Variants in COL22A1 observed in about 807,000 individuals in gnomAD.
The protein encoded by COL22A1 is collagen type XXII alpha 1 chain.
Under a neutral mutation model 248.9 loss-of-function variants are expected in COL22A1, and 221 were observed. The observed-to-expected ratio is 0.89, with a 90% CI of 0.80 to 0.99. The LOEUF (loss-of-function observed/expected upper bound fraction) is 0.99, where lower values mean the gene tolerates loss of function less well. Ranked by LOEUF, COL22A1 falls within the 50% of genes least tolerant of loss-of-function variation. The pLI is 0.00. For synonymous variants in COL22A1, 891 were observed against 793.4 expected (o/e 1.12, Z -2.07); for missense variants, 2,240 against 2,179.0 (o/e 1.03, Z -0.56).
At chr8:138,899,413 C>T (rs1259261335) in intron 1 of COL22A1, among the ~76,000 whole-genome samples, 1 of 152,186 alleles carries the variant, frequency 6.6e-6, no homozygotes, top group East Asian at 1.9e-4. Flanking sequence ...GATGGTGAGA[C>T]ACAATACCCT....
intron 39 of COL22A1, among the ~76,000 whole-genome samples, chr8:138,680,309 A>G (rs1327822308): frequency 6.6e-6 from 1 of 152,198 alleles, no homozygotes; most frequent in Non-Finnish European, 1.5e-5. Context: ...GGAGCCCTGT[A>G]GGGGTTAAAC....
chr8:138,621,722 C>T (rs1186726237), intron 52 of COL22A1, among the ~76,000 whole-genome samples: 1 of 152,118 alleles, frequency 6.6e-6, no homozygotes, highest in Non-Finnish European at 1.5e-5. Flanking sequence ...AATAATGGTA[C>T]CCACAGCCCA....
chr8:138,754,810 T>G (rs181798429), intron 21 of COL22A1, among the ~76,000 whole-genome samples: 4 of 152,222 alleles, frequency 2.6e-5, no homozygotes, highest in African/African-American at 9.6e-5. Flanking sequence ...CATGTAAGTG[T>G]CCAATGTTTT....
At chr8:138,913,323 C>A (rs1815590795) in intron 1 of COL22A1, among the ~76,000 whole-genome samples, 1 of 152,158 alleles carries the variant, frequency 6.6e-6, no homozygotes, top group Non-Finnish European at 1.5e-5. Flanking sequence ...CGGCGGCCAT[C>A]GCTGAGCTCC....
intron 3 of COL22A1, among the ~76,000 whole-genome samples, chr8:138,844,656 A>T (rs1394366414): frequency 6.6e-6 from 1 of 152,228 alleles, no homozygotes; most frequent in African/African-American, 2.4e-5. Flanking sequence ...CTCATTTAGG[A>T]AAGCATGCAC....
chr8:138,613,235 G>C (rs1412571912), intron 56 of COL22A1, among the ~76,000 whole-genome samples: 25 of 140,788 alleles, frequency 1.8e-4, no homozygotes, highest in Middle Eastern at 3.8e-3. Flanking sequence ...GTGACAGAGC[G>C]AGACTCCGTT....
intron 16 of COL22A1, among the ~76,000 whole-genome samples, chr8:138,772,915 C>T (rs1472635596): frequency 6.6e-6 from 1 of 152,146 alleles, no homozygotes; most frequent in Admixed American, 6.5e-5. Flanking sequence ...TGGATTTCTT[C>T]AGAATGTCTT....
At chr8:138,669,344 G>A (rs13250220) in intron 41 of COL22A1, among the ~76,000 whole-genome samples, 79,681 of 152,088 alleles carry the variant, frequency 0.52, 23,877 homozygotes, top group Non-Finnish European at 0.68. Context: ...CTGATAAGGA[G>A]GCAGAGATGA....
chr8:138,811,949 C>A (rs1301591478), intron 8 of COL22A1, 28 bp from the exon 9 acceptor site: 11 of 1,516,142 alleles, frequency 7.3e-6, no homozygotes, highest in Admixed American at 2.1e-5. Flanking sequence ...GAGGTCAGAA[C>A]CTGGCTCTTC....
At chr8:138,713,058 C>T (rs944770840) in intron 30 of COL22A1, among the ~76,000 whole-genome samples, 1 of 152,178 alleles carries the variant, frequency 6.6e-6, no homozygotes, top group African/African-American at 2.4e-5. Flanking sequence ...GTTGAAAGCA[C>T]GTATTTTAGA....
At chr8:138,723,543 G>A (rs559177112) in intron 25 of COL22A1, among the ~76,000 whole-genome samples, 1 of 152,282 alleles carries the variant, frequency 6.6e-6, no homozygotes, top group African/African-American at 2.4e-5. Flanking sequence ...ACACCGATCT[G>A]CATACTTTCT....
chr8:138,650,465 A>G (rs1822605761), intron 45 of COL22A1, among the ~76,000 whole-genome samples: 1 of 152,196 alleles, frequency 6.6e-6, no homozygotes, highest in South Asian at 2.1e-4. Flanking sequence ...TTTTCTGATT[A>G]GTTGGATCTT....
intron 1 of COL22A1, among the ~76,000 whole-genome samples, chr8:138,909,919 T>C (rs1815324848): frequency 6.6e-6 from 1 of 152,158 alleles, no homozygotes; most frequent in Non-Finnish European, 1.5e-5. Context: ...GACCCAGAAA[T>C]CCCACTCCTT....
chr8:138,898,343 C>T (rs1327623007), intron 1 of COL22A1, among the ~76,000 whole-genome samples: 2 of 152,108 alleles, frequency 1.3e-5, no homozygotes, highest in African/African-American at 4.8e-5. Context: ...CTTTGGTTAT[C>T]TTAGCAAACA....
intron 35 of COL22A1, among the ~76,000 whole-genome samples, chr8:138,691,441 G>C (rs1826864757): frequency 6.6e-6 from 1 of 151,718 alleles, no homozygotes; most frequent in Non-Finnish European, 1.5e-5. Flanking sequence ...GTTTGTGAAG[G>C]TGTGTGTATG....
intron 30 of COL22A1, among the ~76,000 whole-genome samples, chr8:138,707,915 G>A (rs1433289707): frequency 6.6e-6 from 1 of 152,180 alleles, no homozygotes; most frequent in Non-Finnish European, 1.5e-5. Flanking sequence ...ATCTCCTTAA[G>A]CTGAGAAGCA....
intron 23 of COL22A1, among the ~76,000 whole-genome samples, chr8:138,728,870 C>T (rs1320368739): frequency 2.0e-5 from 3 of 152,094 alleles, no homozygotes; most frequent in African/African-American, 4.8e-5. Flanking sequence ...ACTTTTGAGA[C>T]ACCAGGTAAT....
chr8:138,720,765 C>T lies in COL22A1; in HGVS notation c.2329G>A (p.Gly777Ser). ...CGAAGGCCTGGTTTTCCAGGCAGAC[C>T]ATCTTCCCCTCTTTCTCCTGGTTCT... Reference protein sequence around the residue: ...KGEPGERGEDGLPGKPGLRGE... With the variant: ...KGEPGERGEDSLPGKPGLRGE... Residue 777 changes from glycine to serine, a missense_variant, in exon 27 of 65, where the codon GGT (glycine) becomes AGT (serine). Transcript: ENST00000303045. 1 of 1,613,962 alleles carries T rather than the reference C, an allele frequency of 6.2e-7. No homozygotes were observed. The highest frequency in any genetic ancestry group is 8.5e-7 in the Non-Finnish European group (1 of 1,179,862).
chr8:138,646,509 C>A, intron 47 of COL22A1, 120 bp downstream of exon 47: 1 of 706,764 alleles, frequency 1.4e-6, no homozygotes, highest in Non-Finnish European at 2.2e-6. Context: ...AGACCCAGAA[C>A]AGGGGTTTTC....
Sources: gnomAD v4.1 joint callset for allele counts (sites outside exome capture counted in the v4.1 genomes callset) on GRCh38, gnomAD v4.1.1 for gene constraint, MANE v1.5 for transcripts, NCBI Gene and HGNC (gene_info 2026-07-23, HGNC 2026-07-21) for gene names.